Variants in DPH5 observed in about 807,000 individuals in gnomAD.
DPH5 encodes diphthine methyl ester synthase.
A neutral mutation model predicts 31.6 loss-of-function variants in DPH5; 31 were observed. The observed-to-expected ratio is 0.98, with a 90% CI of 0.74 to 1.32. The LOEUF (loss-of-function observed/expected upper bound fraction) is 1.32, where lower values mean the gene tolerates loss of function less well. DPH5 is among the 40% of genes most tolerant of loss of function. DPH5 has a pLI of 0.00. For missense variants in DPH5, 309 were observed against 335.7 expected, an observed-to-expected ratio of 0.92 and a Z score of 0.62; for synonymous variants, 120 against 115.0, an observed-to-expected ratio of 1.04 and a Z score of -0.28.
rs780992231 is a variant in DPH5, at chr1:100,995,142, T to G, written c.498A>C (p.Lys166Asn). Residue 166 changes from lysine (K) to asparagine (N), a missense_variant, in exon 6 of 8, where the codon AAA becomes AAC. By Grantham distance (94) the Lys-to-Asn change is moderately conservative (BLOSUM62 0). Transcript: ENST00000370109. Reference protein sequence around the residue: ...GMHTLCLLDIKVKEQSLENLI... With the variant: ...GMHTLCLLDINVKEQSLENLI... ...GATTTTCCAAAGACTGCTCCTTTACTTTGATGTCTGTAGGAAGTAAAAATA... is the reference window on the plus strand; with the variant it reads ...GATTTTCCAAAGACTGCTCCTTTACGTTGATGTCTGTAGGAAGTAAAAATA... The G allele has an allele frequency of 3.8e-6, 6 of 1,575,924 alleles. No individual in the cohort carries two copies. The highest frequency in any genetic ancestry group is 8.7e-7 in the Non-Finnish European group (1 of 1,146,646).
chr1:101,004,661 A>G (rs6692186), intron 4 of DPH5, among the ~76,000 whole-genome samples: 15,699 of 152,230 alleles, frequency 0.1, 1,019 homozygotes, highest in Non-Finnish European at 0.15. Context: ...AGACAATAGT[A>G]GGTAGTAGTA....
intron 4 of DPH5, among the ~76,000 whole-genome samples, chr1:101,003,867 C>T (rs1291456052): frequency 1.3e-5 from 2 of 152,022 alleles, no homozygotes; most frequent in African/African-American, 4.8e-5. Context: ...TCAGATCAAA[C>T]TATGAAATAT....
intron 4 of DPH5, among the ~76,000 whole-genome samples, chr1:101,009,392 C>T (rs921010330): frequency 6.6e-6 from 1 of 152,164 alleles, no homozygotes; most frequent in Admixed American, 6.5e-5. Flanking sequence ...GGGTACAAAC[C>T]ATAATAACTG....
chr1:101,012,245 C>T (rs572831879), intron 4 of DPH5, among the ~76,000 whole-genome samples: 26 of 152,314 alleles, frequency 1.7e-4, no homozygotes, highest in African/African-American at 6.0e-4. Flanking sequence ...CAAGCTTGTC[C>T]AGTCTGCCTT....
Position 100,990,625 on chromosome 1 carries a change from G to A in DPH5, c.641C>T (p.Thr214Ile). The A allele has an allele frequency of 6.2e-7, 1 of 1,613,488 alleles. No homozygotes were observed. Among genetic ancestry groups the A allele is most frequent in the Non-Finnish European group, 8.5e-7 (1 of 1,179,848 alleles). Residue 214 changes from threonine (T) to isoleucine (I), a missense_variant, in exon 8 of 8, where the codon ACC (threonine) becomes ATC (isoleucine). Coordinates refer to ENST00000370109, the MANE Select transcript of DPH5 (RefSeq NM_015958.3). ...QRIRGEEPAV[T>I]EETLCVGLAR... ...TAAGCCAACACAAAGTGTCTCCTCG[G>A]TAACTGCTATTAAAAAAAAAAGATA...
At chr1:101,019,447 A>G (rs1485987678) in intron 3 of DPH5, among the ~76,000 whole-genome samples, 3 of 152,174 alleles carry the variant, frequency 2.0e-5, no homozygotes, top group African/African-American at 4.8e-5. Flanking sequence ...ACATTTTGTC[A>G]TGTGTCATTT....
intron 4 of DPH5, among the ~76,000 whole-genome samples, chr1:101,009,694 A>C (rs1659493408): frequency 6.6e-6 from 1 of 152,230 alleles, no homozygotes; most frequent in Admixed American, 6.5e-5. Context: ...TGTTTTAAAA[A>C]ATTTATCAGA....
chr1:101,008,576 AG>A (rs1280872988), intron 4 of DPH5, among the ~76,000 whole-genome samples: 1 of 116,166 alleles, frequency 8.6e-6, no homozygotes, highest in Non-Finnish European at 2.1e-5. Flanking sequence ...TATTCAACAT[AG>A]ATATATTCTA....
chr1:101,011,045 TA>T (rs1570686931), intron 4 of DPH5, among the ~76,000 whole-genome samples: 1 of 152,270 alleles, frequency 6.6e-6, no homozygotes, highest in South Asian at 2.1e-4. Context: ...TAATAAATAC[TA>T]AGTCTGAGAA....
intron 2 of DPH5, chr1:101,023,171 C>A (rs1660585911): frequency 6.6e-6 from 1 of 152,010 alleles, no homozygotes; most frequent in Non-Finnish European, 1.5e-5. Context: ...CCAGCCTAGG[C>A]AACATAGCAA....
At chr1:101,012,991 T>C (rs1051004024) in intron 4 of DPH5, among the ~76,000 whole-genome samples, 4 of 152,338 alleles carry the variant, frequency 2.6e-5, no homozygotes, top group African/African-American at 9.6e-5. Context: ...GCTTCTAAGA[T>C]GCATGTTGTT....
intron 4 of DPH5, among the ~76,000 whole-genome samples, chr1:101,001,867 T>C (rs549056971): frequency 1.3e-5 from 2 of 151,848 alleles, no homozygotes; most frequent in African/African-American, 4.8e-5. Flanking sequence ...TTTAGCTATA[T>C]AGTTGCTAAA....
chr1:100,999,258 TG>T (rs1214885163), intron 5 of DPH5, among the ~76,000 whole-genome samples: 3 of 151,720 alleles, frequency 2.0e-5, no homozygotes, highest in African/African-American at 7.3e-5. Context: ...GAGACCAGCC[TG>T]GGCAACATGG....
At position 100,990,386 on chromosome 1, in the gene DPH5, A is replaced by G. The variant is rs1431855969; in HGVS notation, c.*22T>C. On this transcript the variant is annotated 3_prime_UTR_variant, in exon 8 of 8. Transcript: ENST00000370109. ...TCCATATATGGCTGAAATTTACATCAGACAATGGTAAATATCTATGTTCAA... is the reference window on the plus strand; with the variant it reads ...TCCATATATGGCTGAAATTTACATCGGACAATGGTAAATATCTATGTTCAA... 100 of 1,604,880 alleles carry G rather than the reference A, an allele frequency of 6.2e-5. No individual in the cohort carries two copies. Among genetic ancestry groups the G allele is most frequent in the Non-Finnish European group, 8.3e-5 (97 of 1,172,040 alleles).
chr1:101,006,006 C>CCT lies in DPH5; in HGVS notation c.370-4420_370-4419insAG, dbSNP rs113925903. On this transcript the variant is annotated intron_variant, in intron 4 of 7. Transcript: ENST00000370109. ...GATGGTTTCATAAAGGGATTTCCCC[C>CCT]GTTTACTCTGCGCATCTCTTTGCTG... 6.3e-3 allele frequency among the ~76,000 whole-genome samples: 956 copies of CCT among 152,236 alleles called. 15 individuals are homozygous for CCT. The highest frequency in any genetic ancestry group is 0.02 in the African/African-American group (828 of 41,540).
intron 3 of DPH5, among the ~76,000 whole-genome samples, 198 bp from the exon 4 acceptor site, chr1:101,014,016 G>C (rs1323812146): frequency 1.3e-5 from 2 of 152,156 alleles, no homozygotes; most frequent in Non-Finnish European, 2.9e-5. Flanking sequence ...AAAATGCTGA[G>C]TTGCTACTGT....
At chr1:101,002,693 G>A (rs1658961597) in intron 4 of DPH5, among the ~76,000 whole-genome samples, 1 of 152,126 alleles carries the variant, frequency 6.6e-6, no homozygotes, top group African/African-American at 2.4e-5. Flanking sequence ...AAATAGCCAT[G>A]TGACTTCAGG....
intron 6 of DPH5, among the ~76,000 whole-genome samples, chr1:100,993,809 T>C (rs1056681412): frequency 3.3e-5 from 5 of 151,592 alleles, no homozygotes; most frequent in East Asian, 1.9e-4. Context: ...TGGCGTGATA[T>C]TGGTTCACTG....
At chr1:101,019,417 A>G (rs911481417) in intron 3 of DPH5, among the ~76,000 whole-genome samples, 2 of 152,170 alleles carry the variant, frequency 1.3e-5, no homozygotes, top group Non-Finnish European at 2.9e-5. Context: ...TGAACTGTAC[A>G]CTAAAATGGT....
Sources: gnomAD v4.1 joint callset for allele counts (sites outside exome capture counted in the v4.1 genomes callset) on GRCh38, gnomAD v4.1.1 for gene constraint, MANE v1.5 for transcripts, NCBI Gene and HGNC (gene_info 2026-07-23, HGNC 2026-07-21) for gene names.